The following OSBPL6 variants were observed in gnomAD, a reference collection of about 807,000 sequenced individuals.
OSBPL6 encodes oxysterol-binding protein-related protein 6.
OSBPL6 carries 49 observed loss-of-function variants against 125.8 expected under a neutral mutation model. That is an observed-to-expected ratio of 0.39 (90% CI 0.31 to 0.49). The LOEUF is 0.49. Ranked by LOEUF, OSBPL6 falls within the 20% of genes least tolerant of loss-of-function variation. OSBPL6 has a pLI of 0.88. For synonymous variants in OSBPL6, 394 were observed against 391.8 expected, an observed-to-expected ratio of 1.01 and a Z score of -0.07; for missense variants, 986 against 1,135.4, an observed-to-expected ratio of 0.87 and a Z score of 1.89.
chr2:178,210,849 C>CACA lies in OSBPL6; in HGVS notation c.-351+16175_-351+16176insACA, dbSNP rs1491232760. Reference sequence around the variant, plus strand: ...ACACACACACACACACACACACACACCCCTCTCTGCTGGAATGGCTCAGAG... The same window carrying CACA: ...ACACACACACACACACACACACACACACACCCTCTCTGCTGGAATGGCTCAGAG... On this transcript the variant is annotated intron_variant, in intron 1 of 24. Transcript: ENST00000190611. Among the ~76,000 whole-genome samples, 360 of 141,808 alleles carry CACA rather than the reference C, an allele frequency of 2.5e-3. 1 individual carries two copies. The highest frequency in any genetic ancestry group is 8.6e-3 in the African/African-American group (320 of 37,352). 93.0% of individuals were successfully genotyped at this position (141,808 alleles called of 152,430 possible).
At chr2:178,303,162 T>A (rs1686449349) in intron 2 of OSBPL6, among the ~76,000 whole-genome samples, 1 of 152,216 alleles carries the variant, frequency 6.6e-6, no homozygotes, top group South Asian at 2.1e-4. Flanking sequence ...TTACTACCTT[T>A]TGCCAATAAT....
At chr2:178,382,020 C>T (rs1223552597) in intron 15 of OSBPL6, among the ~76,000 whole-genome samples, 1 of 152,222 alleles carries the variant, frequency 6.6e-6, no homozygotes, top group Non-Finnish European at 1.5e-5. Context: ...ATATTGCCCC[C>T]TGGGCAGCCT....
In OSBPL6 at chr2:178,389,347, A is replaced by C. The variant is rs575888546; in HGVS notation, c.2301+194A>C. On this transcript the variant is annotated intron_variant, in intron 21 of 24. Coordinates refer to ENST00000190611, the MANE Select transcript of OSBPL6 (RefSeq NM_032523.4). Reference sequence around the variant, plus strand: ...GCAAGTTTCTGAACATATGGAGGTCAAAAAAGGCATCATCTAAAACAGAAA... The same window carrying C: ...GCAAGTTTCTGAACATATGGAGGTCCAAAAAGGCATCATCTAAAACAGAAA... 2.6e-5 allele frequency among the ~76,000 whole-genome samples: 4 copies of C among 152,322 alleles called. No individual in the cohort carries two copies. In the East Asian group the frequency reaches 7.7e-4, roughly 29 times the overall value.
intron 1 of OSBPL6, among the ~76,000 whole-genome samples, chr2:178,217,611 A>C (rs1214181433): frequency 6.6e-6 from 1 of 152,194 alleles, no homozygotes; most frequent in Non-Finnish European, 1.5e-5. Flanking sequence ...TTTTATAGTC[A>C]GGTTTGAGGA....
At chr2:178,264,775 T>C (rs1345019001) in intron 1 of OSBPL6, among the ~76,000 whole-genome samples, 1 of 152,230 alleles carries the variant, frequency 6.6e-6, no homozygotes, top group Admixed American at 6.5e-5. Flanking sequence ...ACTTTTTAAA[T>C]ATTTTACTTT....
rs150989668 is a variant in OSBPL6, at chr2:178,381,362, C to CT, written c.1534-1049dup. Among the ~76,000 whole-genome samples, 1,137 of 151,448 alleles carry CT rather than the reference C, an allele frequency of 7.5e-3. 78 individuals carry two copies. In the East Asian group the frequency reaches 0.18, roughly 24 times the overall value. ...GGCCAACTGAATCTAAGCCGTATTT[C>CT]TTTTTTTTTGAGACAGAGTCTCGCT... On this transcript the variant is annotated intron_variant, in intron 15 of 24. Coordinates refer to ENST00000190611, the MANE Select transcript of OSBPL6 (RefSeq NM_032523.4).
At chr2:178,199,254 T>C (rs940665485) in intron 1 of OSBPL6, among the ~76,000 whole-genome samples, 10 of 152,176 alleles carry the variant, frequency 6.6e-5, no homozygotes, top group Non-Finnish European at 1.5e-4. Flanking sequence ...AAAGGCAGCG[T>C]TTTAAATTTT....
chr2:178,337,959 TGAGA>T, intron 9 of OSBPL6, among the ~76,000 whole-genome samples: 1 of 150,986 alleles, frequency 6.6e-6, no homozygotes, highest in Non-Finnish European at 1.5e-5. Context: ...CTTTTTTTTT[TGAGA>T]CGGAGTCTTG....
intron 4 of OSBPL6, 131 bp from the exon 5 acceptor site, chr2:178,328,125 C>T (rs1334522705): frequency 9.1e-6 from 11 of 1,208,718 alleles, no homozygotes; most frequent in East Asian, 2.4e-5. Context: ...GAATTTGCTC[C>T]GGAATGTTGT....
In OSBPL6 at chr2:178,395,889, G is replaced by A; in HGVS notation, c.*330G>A. On this transcript the variant is annotated 3_prime_UTR_variant, in exon 25 of 25. Coordinates refer to ENST00000190611, the MANE Select transcript of OSBPL6 (RefSeq NM_032523.4). ...TTGTAAAGAAAAACAAATGGTAACTGGTGCTTAAAGCTGATCAAGAAAGTT... is the reference window on the plus strand; with the variant it reads ...TTGTAAAGAAAAACAAATGGTAACTAGTGCTTAAAGCTGATCAAGAAAGTT... 2.4e-6 allele frequency: 1 copy of A among 415,580 alleles called. No individual in the cohort carries two copies. The highest frequency in any genetic ancestry group is 4.6e-6 in the Non-Finnish European group (1 of 217,320). The allele number at this position is 415,580 out of a possible 1,614,324, so 25.7% of individuals were successfully genotyped here. A position where few individuals can be genotyped will look rare whatever the true frequency, so the allele number is the denominator to read the frequency against.
intron 15 of OSBPL6, among the ~76,000 whole-genome samples, chr2:178,382,017 C>A (rs1559318300): frequency 6.6e-6 from 1 of 152,174 alleles, no homozygotes; most frequent in African/African-American, 2.4e-5. Flanking sequence ...TAAATATTGC[C>A]CCCTGGGCAG....
chr2:178,327,562 T>C (rs1688802631), intron 4 of OSBPL6, among the ~76,000 whole-genome samples: 1 of 152,226 alleles, frequency 6.6e-6, no homozygotes, highest in Non-Finnish European at 1.5e-5. Flanking sequence ...CATTAGACTT[T>C]TTATAAGAGC....
chr2:178,253,136 C>G (rs1219298711), intron 1 of OSBPL6, among the ~76,000 whole-genome samples: 1 of 151,532 alleles, frequency 6.6e-6, no homozygotes, highest in African/African-American at 2.4e-5. Context: ...ATTCTCCTGC[C>G]TCGGCCTCCT....
At chr2:178,215,011 G>A (rs985766863) in intron 1 of OSBPL6, among the ~76,000 whole-genome samples, 2 of 151,592 alleles carry the variant, frequency 1.3e-5, no homozygotes, top group African/African-American at 2.4e-5. Flanking sequence ...ATAACTAGAC[G>A]GTAGCTTGTA....
intron 4 of OSBPL6, among the ~76,000 whole-genome samples, chr2:178,324,870 G>C (rs1221119975): frequency 2.6e-5 from 4 of 152,214 alleles, no homozygotes; most frequent in Non-Finnish European, 4.4e-5. Context: ...CACAACCAAT[G>C]CTTGTCAGCT....
At chr2:178,264,962 C>T (rs1036577774) in intron 1 of OSBPL6, among the ~76,000 whole-genome samples, 7 of 151,830 alleles carry the variant, frequency 4.6e-5, no homozygotes, top group African/African-American at 1.5e-4. Flanking sequence ...TAATCATAGC[C>T]CTCTGCAGCC....
At chr2:178,304,390 G>T (rs530099564) in intron 2 of OSBPL6, among the ~76,000 whole-genome samples, 1 of 152,270 alleles carries the variant, frequency 6.6e-6, no homozygotes, top group East Asian at 1.9e-4. Context: ...TGTCAGCAGC[G>T]AGGAGAAATG....
chr2:178,294,423 C>T (rs912246660), intron 2 of OSBPL6, among the ~76,000 whole-genome samples: 3 of 152,074 alleles, frequency 2.0e-5, no homozygotes, highest in Non-Finnish European at 2.9e-5. Flanking sequence ...TGATAACAGA[C>T]GTCTTAAAAT....
chr2:178,318,579 C>G (rs1687968424), intron 3 of OSBPL6, among the ~76,000 whole-genome samples: 1 of 152,212 alleles, frequency 6.6e-6, no homozygotes, highest in African/African-American at 2.4e-5. Flanking sequence ...CCACATGCAT[C>G]TTCTGCTGCA....
Sources: gnomAD v4.1 joint callset for allele counts (sites outside exome capture counted in the v4.1 genomes callset) on GRCh38, gnomAD v4.1.1 for gene constraint, MANE v1.5 for transcripts, NCBI Gene and HGNC (gene_info 2026-07-23, HGNC 2026-07-21) for gene names.